Variants in PPM1L observed in about 807,000 individuals in gnomAD.
The protein encoded by PPM1L is protein phosphatase, Mg2+/Mn2+ dependent 1L.
Under a neutral mutation model 31.4 loss-of-function variants are expected in PPM1L, and 13 were observed. That is an observed-to-expected ratio of 0.41 (90% CI 0.27 to 0.66). The LOEUF is 0.66. Among genes scored for constraint, PPM1L ranks in the 30% least tolerant of loss-of-function variants. PPM1L has a pLI of 0.29. For missense variants in PPM1L, 326 were observed against 453.7 expected, an observed-to-expected ratio of 0.72 and a Z score of 2.56; for synonymous variants, 184 against 175.4, an observed-to-expected ratio of 1.05 and a Z score of -0.39.
Position 161,075,689 on chromosome 3 carries a change from G to A in PPM1L, c.*6532G>A, listed in dbSNP as rs1408843028. ...AAATCAAGGGAGAGTAATATAAAAG[G>A]AAATATTTTAAATTAAGAAAAGGAG... On this transcript the variant is annotated 3_prime_UTR_variant, in exon 4 of 4. Coordinates refer to ENST00000498165, the MANE Select transcript of PPM1L (RefSeq NM_139245.4). 1.3e-5 allele frequency: 2 copies of A among 152,116 alleles called. No individual in the cohort carries two copies. The highest frequency in any genetic ancestry group is 2.9e-5 in the Non-Finnish European group (2 of 68,020). The allele number at this position is 152,116 out of a possible 1,614,324, so 9.4% of individuals were successfully genotyped here. A position where few individuals can be genotyped will look rare whatever the true frequency, so the allele number is the denominator to read the frequency against.
intron 2 of PPM1L, among the ~76,000 whole-genome samples, chr3:160,981,089 T>G (rs927582016): frequency 1.3e-5 from 2 of 152,222 alleles, no homozygotes; most frequent in Admixed American, 6.5e-5. Context: ...CTGTCCTGTA[T>G]GGAAAAATAT....
At chr3:160,971,518 TA>T (rs1292570722) in intron 2 of PPM1L, among the ~76,000 whole-genome samples, 1 of 152,180 alleles carries the variant, frequency 6.6e-6, no homozygotes, top group Non-Finnish European at 1.5e-5. Context: ...ATTGGTGTTA[TA>T]GGGGACGGTA....
intron 1 of PPM1L, among the ~76,000 whole-genome samples, chr3:160,778,391 A>G (rs1281767255): frequency 6.6e-6 from 1 of 152,180 alleles, no homozygotes; most frequent in Non-Finnish European, 1.5e-5. Context: ...CAAGGCTAGT[A>G]CAAGGAACTC....
chr3:160,768,384 G>A (rs114185376), intron 1 of PPM1L, among the ~76,000 whole-genome samples: 2,512 of 152,162 alleles, frequency 0.017, 60 homozygotes, highest in African/African-American at 0.057. Flanking sequence ...TCTGGTTTAA[G>A]ACTATTTCTT....
intron 2 of PPM1L, among the ~76,000 whole-genome samples, chr3:161,051,397 C>T (rs1719274740): frequency 6.6e-6 from 1 of 151,510 alleles, no homozygotes; most frequent in South Asian, 2.1e-4. Context: ...CACACACACA[C>T]ACACACAACC....
intron 1 of PPM1L, among the ~76,000 whole-genome samples, chr3:160,905,340 T>C (rs1037420489): frequency 6.6e-6 from 1 of 152,228 alleles, no homozygotes; most frequent in Non-Finnish European, 1.5e-5. Context: ...TACTCTAACC[T>C]GAATTTGTTC....
intron 1 of PPM1L, among the ~76,000 whole-genome samples, chr3:160,810,649 C>T (rs1277212869): frequency 6.6e-6 from 1 of 152,172 alleles, no homozygotes; most frequent in Non-Finnish European, 1.5e-5. Flanking sequence ...AGCCAACTGA[C>T]AGGGCACATA....
At chr3:160,955,217 G>T (rs113777541) in intron 1 of PPM1L, among the ~76,000 whole-genome samples, 10,975 of 151,916 alleles carry the variant, frequency 0.072, 594 homozygotes, top group African/African-American at 0.13. Context: ...CACCATGTTG[G>T]CCAGGATAGT....
At chr3:160,993,263 GTGATGGC>G (rs1248846508) in intron 2 of PPM1L, among the ~76,000 whole-genome samples, 1 of 152,126 alleles carries the variant, frequency 6.6e-6, no homozygotes, top group Non-Finnish European at 1.5e-5. Flanking sequence ...GCAGTCTGAG[GTGATGGC>G]CAGCATCAAT....
chr3:160,846,807 T>G (rs1001604457), intron 1 of PPM1L, among the ~76,000 whole-genome samples: 2 of 152,202 alleles, frequency 1.3e-5, no homozygotes, highest in Non-Finnish European at 2.9e-5. Context: ...TTCACAAAGT[T>G]GTGCAACTGT....
intron 1 of PPM1L, among the ~76,000 whole-genome samples, chr3:160,951,709 T>G (rs1715581902): frequency 6.6e-6 from 1 of 152,214 alleles, no homozygotes; most frequent in Non-Finnish European, 1.5e-5. Context: ...TTGAGGTTCG[T>G]CACATTAGGA....
chr3:161,044,232 G>A (rs907060561), intron 2 of PPM1L, among the ~76,000 whole-genome samples: 2 of 151,994 alleles, frequency 1.3e-5, no homozygotes, highest in Non-Finnish European at 2.9e-5. Flanking sequence ...TAGAGATGGG[G>A]TTTCACCATG....
At chr3:160,840,177 C>T (rs966395995) in intron 1 of PPM1L, among the ~76,000 whole-genome samples, 27 of 152,170 alleles carry the variant, frequency 1.8e-4, no homozygotes, top group South Asian at 8.3e-4. Context: ...AAAATGTTTC[C>T]TTGGCAGCAC....
Position 160,831,786 on chromosome 3 carries a change from AAGGAATCTTC to A in PPM1L, c.399+75082_399+75091del, listed in dbSNP as rs1189697280. Among the ~76,000 whole-genome samples, 86 of 152,298 alleles carry A rather than the reference AAGGAATCTTC, an allele frequency of 5.6e-4. 2 individuals are homozygous for A. Among genetic ancestry groups the A allele is most frequent in the Non-Finnish European group, 7.4e-5 (5 of 68,026 alleles). On this transcript the variant is annotated intron_variant, in intron 1 of 3. Transcript: ENST00000498165. ...TCCTATTTAGCACCTGTGTTATCTT[AAGGAATCTTC>A]AGCTCTCTGAGATTTGGTTTTCTCA...
chr3:160,789,948 C>T (rs1712052751), intron 1 of PPM1L, among the ~76,000 whole-genome samples: 1 of 152,104 alleles, frequency 6.6e-6, no homozygotes, highest in African/African-American at 2.4e-5. Flanking sequence ...AACCTACACA[C>T]ATTCTCTTGT....
chr3:160,862,174 T>C (rs2108022530), intron 1 of PPM1L, among the ~76,000 whole-genome samples: 1 of 152,318 alleles, frequency 6.6e-6, no homozygotes, highest in African/African-American at 2.4e-5. Flanking sequence ...CTGCTGTTAG[T>C]ATTTCACTCA....
intron 1 of PPM1L, among the ~76,000 whole-genome samples, chr3:160,919,767 A>G (rs1417095538): frequency 6.6e-6 from 1 of 152,240 alleles, no homozygotes; most frequent in Non-Finnish European, 1.5e-5. Flanking sequence ...TCAAAATGTC[A>G]TATACCTGCT....
At chr3:160,902,216 A>G (rs114709317) in intron 1 of PPM1L, among the ~76,000 whole-genome samples, 1,572 of 152,258 alleles carry the variant, frequency 0.01, 26 homozygotes, top group African/African-American at 0.036. Context: ...ACTTCTACAT[A>G]TGAATTTTCA....
intron 1 of PPM1L, among the ~76,000 whole-genome samples, chr3:160,933,178 A>AT (rs200762862): frequency 9.5e-4 from 144 of 152,104 alleles, no homozygotes; most frequent in African/African-American, 2.0e-3. Flanking sequence ...ATTATATGCC[A>AT]TTTTTTTTAG....
Sources: allele counts gnomAD v4.1 joint callset (sites outside exome capture counted in the v4.1 genomes callset), GRCh38; gene constraint gnomAD v4.1.1; transcripts MANE v1.5; gene names NCBI Gene and HGNC (gene_info 2026-07-23, HGNC 2026-07-21).